The following NEDD4L variants were observed in gnomAD, a reference collection of about 807,000 sequenced individuals.
NEDD4L encodes the protein E3 ubiquitin-protein ligase NEDD4-like.
NEDD4L carries 54 observed loss-of-function variants against 148.9 expected under a neutral mutation model. The observed-to-expected ratio is 0.36, with a 90% CI of 0.29 to 0.45. NEDD4L has a LOEUF of 0.45. Among genes scored for constraint, NEDD4L ranks in the 20% least tolerant of loss-of-function variants. NEDD4L has a pLI of 1.00. For synonymous variants in NEDD4L, 433 were observed against 440.7 expected, an observed-to-expected ratio of 0.98 and a Z score of 0.22; for missense variants, 856 against 1,233.8, an observed-to-expected ratio of 0.69 and a Z score of 4.59.
At chr18:58,358,910 G>A (rs1759888145) in intron 19 of NEDD4L, among the ~76,000 whole-genome samples, 1 of 151,780 alleles carries the variant, frequency 6.6e-6, no homozygotes, top group Non-Finnish European at 1.5e-5. Flanking sequence ...ATTGCATTAT[G>A]GTCAGATAAT....
chr18:58,165,730 G>A (rs1784783512), intron 1 of NEDD4L, 58 bp from the exon 2 acceptor site: 2 of 1,526,020 alleles, frequency 1.3e-6, no homozygotes, highest in African/African-American at 2.7e-5. Flanking sequence ...TATTGGATGA[G>A]AGAGTGATTG....
chr18:58,251,135 T>G (rs1375625620), intron 4 of NEDD4L, among the ~76,000 whole-genome samples: 1 of 152,086 alleles, frequency 6.6e-6, no homozygotes, highest in Non-Finnish European at 1.5e-5. Flanking sequence ...GGCTCCTCAT[T>G]TATAAAATTG....
intron 1 of NEDD4L, among the ~76,000 whole-genome samples, chr18:58,113,676 G>A (rs140854364): frequency 6.6e-6 from 1 of 152,152 alleles, no homozygotes; most frequent in African/African-American, 2.4e-5. Flanking sequence ...CCTTACGGAC[G>A]AGCTGATAAT....
intron 1 of NEDD4L, among the ~76,000 whole-genome samples, chr18:58,130,504 T>C (rs1598986310): frequency 1.6e-5 from 2 of 124,580 alleles, no homozygotes; most frequent in Non-Finnish European, 3.4e-5. Flanking sequence ...TGGGGTTTGG[T>C]TGTGATCTAG....
rs1010897678 is a variant in NEDD4L at position 58,334,690 on chromosome 18, G to A, written c.1066-788G>A. 4.6e-4 allele frequency among the ~76,000 whole-genome samples: 70 copies of A among 152,270 alleles called. No individual in the cohort carries two copies. In the Middle Eastern group the frequency reaches 0.014, roughly 30 times the overall value. On this transcript the variant is annotated intron_variant, in intron 12 of 30. Coordinates refer to ENST00000400345, the MANE Select transcript of NEDD4L (RefSeq NM_001144967.3). ...TGTATTACGTATGAATTTGAAGGGGGAAAAGTGCATTTAAGGTTTTTGAAA... is the reference window on the plus strand; with the variant it reads ...TGTATTACGTATGAATTTGAAGGGGAAAAAGTGCATTTAAGGTTTTTGAAA...
chr18:58,344,877 G>A (rs937005287), intron 16 of NEDD4L, among the ~76,000 whole-genome samples: 1 of 152,164 alleles, frequency 6.6e-6, no homozygotes, highest in Non-Finnish European at 1.5e-5. Flanking sequence ...TTAGTGTAAG[G>A]AGCCACTGTG....
At chr18:58,201,542 G>T (rs948460983) in intron 2 of NEDD4L, among the ~76,000 whole-genome samples, 2 of 152,126 alleles carry the variant, frequency 1.3e-5, no homozygotes, top group Non-Finnish European at 2.9e-5. Context: ...TATACCATCA[G>T]GGATGACAAT....
At chr18:58,241,772 C>A (rs553347127) in intron 2 of NEDD4L, among the ~76,000 whole-genome samples, 1 of 152,074 alleles carries the variant, frequency 6.6e-6, no homozygotes, top group African/African-American at 2.4e-5. Context: ...ATAGTAGGCA[C>A]TCAGGAAATA....
chr18:58,079,508 A>C (rs2083329894), intron 1 of NEDD4L, among the ~76,000 whole-genome samples: 2 of 152,254 alleles, frequency 1.3e-5, no homozygotes, highest in Admixed American at 1.3e-4. Flanking sequence ...CCTGGTATAC[A>C]GATGGGGAAA....
chr18:58,287,122 C>A (rs1207888182), intron 5 of NEDD4L, among the ~76,000 whole-genome samples: 59 of 147,456 alleles, frequency 4.0e-4, no homozygotes, highest in Admixed American at 2.9e-3. Context: ...TTTTTCTGGG[C>A]TGTTAGAATT....
intron 1 of NEDD4L, among the ~76,000 whole-genome samples, chr18:58,066,551 C>CTCGT (rs1314934357): frequency 6.6e-6 from 1 of 152,010 alleles, no homozygotes; most frequent in Middle Eastern, 3.2e-3. Context: ...AACGCCTGAC[C>CTCGT]TCGTGTTCCA....
chr18:58,159,755 G>A (rs2035963586), intron 1 of NEDD4L, among the ~76,000 whole-genome samples: 2 of 152,180 alleles, frequency 1.3e-5, no homozygotes, highest in African/African-American at 4.8e-5. Context: ...AAAAACGTTG[G>A]TCATCTGTTT....
At chr18:58,108,957 C>T (rs2085246939) in intron 1 of NEDD4L, among the ~76,000 whole-genome samples, 1 of 152,126 alleles carries the variant, frequency 6.6e-6, no homozygotes, top group Non-Finnish European at 1.5e-5. Context: ...TGTGTCTTTC[C>T]CATGATAGGC....
At chr18:58,183,171 T>C (rs891388271) in intron 2 of NEDD4L, among the ~76,000 whole-genome samples, 1 of 151,990 alleles carries the variant, frequency 6.6e-6, no homozygotes, top group East Asian at 1.9e-4. Context: ...GGGAGGAGGG[T>C]GCTAAGTGAA....
chr18:58,257,120 G>A (rs2048700887), intron 5 of NEDD4L, among the ~76,000 whole-genome samples: 1 of 152,114 alleles, frequency 6.6e-6, no homozygotes, highest in Non-Finnish European at 1.5e-5. Context: ...GTGCCCCAAC[G>A]TGCTGATGTT....
intron 1 of NEDD4L, among the ~76,000 whole-genome samples, chr18:58,135,356 C>G (rs1034107578): frequency 2.0e-5 from 3 of 152,206 alleles, no homozygotes; most frequent in African/African-American, 7.2e-5. Context: ...ATGATACTCT[C>G]TCTTACTCAG....
In NEDD4L at chr18:58,063,727, G is replaced by A. The variant is rs966845427; in HGVS notation, c.48+19019G>A. Among the ~76,000 whole-genome samples the A allele has an allele frequency of 1.5e-4, 22 of 151,548 alleles. No homozygotes were observed. In the South Asian group the frequency reaches 4.6e-3, roughly 32 times the overall value. The stretch of plus-strand genomic sequence containing the variant: ...ACTACAGGCACTCGCCACCATGCCC[G>A]GCTAATTTTTGTATTTTTTGTAGAG... On this transcript the variant is annotated intron_variant, in intron 1 of 30. Transcript: ENST00000400345.
chr18:58,212,983 T>G (rs1273931915), intron 2 of NEDD4L, among the ~76,000 whole-genome samples: 1 of 152,094 alleles, frequency 6.6e-6, no homozygotes, highest in African/African-American at 2.4e-5. Context: ...CTATGAAAAA[T>G]AGTTCATTTT....
intron 1 of NEDD4L, 83 bp downstream of exon 1, chr18:58,044,791 C>A: frequency 6.6e-7 from 1 of 1,520,082 alleles, no homozygotes; most frequent in Admixed American, 2.0e-5. Context: ...GGGGCCGTCC[C>A]CGGGGTGCTC....
Sources: gnomAD v4.1 joint callset for allele counts (sites outside exome capture counted in the v4.1 genomes callset) on GRCh38, gnomAD v4.1.1 for gene constraint, MANE v1.5 for transcripts, NCBI Gene and HGNC (gene_info 2026-07-23, HGNC 2026-07-21) for gene names.